The following LHPP variants were observed in gnomAD, a reference collection of about 807,000 sequenced individuals.
LHPP encodes phospholysine phosphohistidine inorganic pyrophosphate phosphatase, also known as hLHPP.
LHPP carries 24 observed loss-of-function variants against 30.3 expected under a neutral mutation model. That is an observed-to-expected ratio of 0.79 (90% CI 0.57 to 1.11). LHPP has a LOEUF of 1.11. Ranked by LOEUF, LHPP falls within the 50% of genes most tolerant of loss-of-function variation. The pLI is 0.00. For missense variants in LHPP, 356 were observed against 367.2 expected, an observed-to-expected ratio of 0.97 and a Z score of 0.25; for synonymous variants, 150 against 157.1, an observed-to-expected ratio of 0.95 and a Z score of 0.34.
At chr10:124,544,064 C>T (rs1955270684) in intron 6 of LHPP, among the ~76,000 whole-genome samples, 1 of 152,262 alleles carries the variant, frequency 6.6e-6, no homozygotes, top group Non-Finnish European at 1.5e-5. Context: ...GCCTCGCAGC[C>T]AAGCCTGGTG....
chr10:124,526,310 C>A, intron 6 of LHPP: 1 of 859,220 alleles, frequency 1.2e-6, no homozygotes, highest in Non-Finnish European at 1.4e-6. Flanking sequence ...ACACACTCAG[C>A]CTCAGCTCGT....
intron 6 of LHPP, among the ~76,000 whole-genome samples, chr10:124,535,936 A>G (rs1955013506): frequency 6.6e-6 from 1 of 152,048 alleles, no homozygotes. Context: ...GGGCCCCTGG[A>G]CCTCCCCTAA....
chr10:124,518,166 C>T (rs1336579278), intron 6 of LHPP, among the ~76,000 whole-genome samples: 1 of 152,204 alleles, frequency 6.6e-6, no homozygotes, highest in Admixed American at 6.5e-5. Flanking sequence ...AGGCTCAGCG[C>T]ACCTGGGTCC....
intron 6 of LHPP, among the ~76,000 whole-genome samples, chr10:124,601,746 A>G (rs922185349): frequency 6.6e-6 from 1 of 152,202 alleles, no homozygotes; most frequent in East Asian, 1.9e-4. Flanking sequence ...GCCAAGGTTC[A>G]CGGCAAAAAC....
intron 3 of LHPP, among the ~76,000 whole-genome samples, chr10:124,489,464 A>G (rs113001371): frequency 1.2e-4 from 18 of 152,150 alleles, no homozygotes; most frequent in Admixed American, 3.3e-4. Context: ...GTATATATAT[A>G]TATTTTTTAA....
chr10:124,578,805 G>A (rs1589688944), intron 6 of LHPP, among the ~76,000 whole-genome samples: 1 of 50,696 alleles, frequency 2.0e-5, no homozygotes, highest in Admixed American at 2.7e-4. Flanking sequence ...TAGGGGGCAT[G>A]GGGCCAGTGC....
intron 6 of LHPP, among the ~76,000 whole-genome samples, chr10:124,585,656 G>T (rs1321594738): frequency 6.6e-6 from 1 of 151,914 alleles, no homozygotes; most frequent in Non-Finnish European, 1.5e-5. Flanking sequence ...AAGATAAGGA[G>T]CCTTGCTGTG....
intron 6 of LHPP, among the ~76,000 whole-genome samples, chr10:124,536,734 C>G (rs1428803215): frequency 6.6e-6 from 1 of 152,188 alleles, no homozygotes; most frequent in African/African-American, 2.4e-5. Context: ...GACAGACCCC[C>G]CGCCATTGGC....
At chr10:124,536,830 A>T (rs2133939005) in intron 6 of LHPP, among the ~76,000 whole-genome samples, 1 of 152,276 alleles carries the variant, frequency 6.6e-6, no homozygotes, top group Admixed American at 6.5e-5. Context: ...AGGATTGGCT[A>T]GAACAGTGCA....
intron 6 of LHPP, among the ~76,000 whole-genome samples, chr10:124,566,927 TG>T (rs1186377741): frequency 6.6e-6 from 1 of 152,148 alleles, no homozygotes. Flanking sequence ...AGAAGAGAAA[TG>T]GTCCCTCAGG....
At chr10:124,507,136 G>A (rs1467248351) in intron 5 of LHPP, among the ~76,000 whole-genome samples, 2 of 95,242 alleles carry the variant, frequency 2.1e-5, no homozygotes, top group Non-Finnish European at 4.3e-5. Context: ...TCAGGTCGGG[G>A]GGTTAGAGAG....
intron 5 of LHPP, among the ~76,000 whole-genome samples, chr10:124,504,573 C>T (rs147995539): frequency 2.0e-4 from 30 of 148,686 alleles, no homozygotes; most frequent in African/African-American, 6.3e-4. Flanking sequence ...GCACTCCAGC[C>T]TGGGCAACTG....
intron 5 of LHPP, among the ~76,000 whole-genome samples, chr10:124,500,164 CT>C (rs74428357): frequency 2.6e-5 from 4 of 151,806 alleles, no homozygotes; most frequent in Admixed American, 2.0e-4. Context: ...CTTCTATCCT[CT>C]TTTTTTTCCT....
chr10:124,528,295 C>G (rs1179782361), intron 6 of LHPP, among the ~76,000 whole-genome samples: 1 of 152,256 alleles, frequency 6.6e-6, no homozygotes, highest in Non-Finnish European at 1.5e-5. Context: ...TGTGGTCCAC[C>G]ACATGGTCAT....
At chr10:124,544,549 TC>T (rs11333982) in intron 6 of LHPP, among the ~76,000 whole-genome samples, 114,666 of 152,086 alleles carry the variant, frequency 0.75, 43,970 homozygotes, top group East Asian at 0.9. Context: ...CTGTCTTTAT[TC>T]ACCACCAGAC....
intron 3 of LHPP, chr10:124,490,512 C>G (rs907537442): frequency 3.3e-5 from 12 of 360,958 alleles, no homozygotes; most frequent in South Asian, 3.3e-4. Flanking sequence ...TTCTTCTTGG[C>G]TACCGTGACT....
At chr10:124,506,265 C>CA (rs1239986095) in intron 5 of LHPP, among the ~76,000 whole-genome samples, 1 of 104,098 alleles carries the variant, frequency 9.6e-6, no homozygotes, top group Non-Finnish European at 1.9e-5. Context: ...AACAACAAAC[C>CA]CCCCCCCCAC....
chr10:124,580,935 T>A (rs1164968151), intron 6 of LHPP, among the ~76,000 whole-genome samples: 1 of 152,152 alleles, frequency 6.6e-6, no homozygotes, highest in Admixed American at 6.5e-5. Flanking sequence ...GCCAGGCTGG[T>A]TTTGAACTCC....
chr10:124,588,664 G>A (rs1948837780), intron 6 of LHPP, among the ~76,000 whole-genome samples: 1 of 152,052 alleles, frequency 6.6e-6, no homozygotes, highest in South Asian at 2.1e-4. Context: ...CAGAATCTGA[G>A]GTTTTTACAA....
Sources: allele counts gnomAD v4.1 joint callset (sites outside exome capture counted in the v4.1 genomes callset), GRCh38; gene constraint gnomAD v4.1.1; transcripts MANE v1.5; gene names NCBI Gene and HGNC (gene_info 2026-07-23, HGNC 2026-07-21).